Variants in RBFOX3 observed in about 807,000 individuals in gnomAD.
RBFOX3 encodes RNA binding fox-1 homolog 3, also known as RNA binding protein fox-1 homolog 3.
A neutral mutation model predicts 48.7 loss-of-function variants in RBFOX3; 17 were observed. The observed-to-expected ratio is 0.35, with a 90% CI of 0.24 to 0.52. The LOEUF is 0.52. Ranked by LOEUF, RBFOX3 falls within the 20% of genes least tolerant of loss-of-function variation. RBFOX3 has a pLI of 0.94. For missense variants in RBFOX3, 382 were observed against 497.5 expected, an observed-to-expected ratio of 0.77 and a Z score of 2.21; for synonymous variants, 212 against 209.5, an observed-to-expected ratio of 1.01 and a Z score of -0.10.
intron 2 of RBFOX3, among the ~76,000 whole-genome samples, chr17:79,414,097 G>A (rs2064922959): frequency 6.6e-6 from 1 of 152,114 alleles, no homozygotes; most frequent in Admixed American, 6.5e-5. Context: ...ATTCTACCCA[G>A]GATCCACAAA....
At chr17:79,117,357 C>T (rs964669450) in intron 4 of RBFOX3, among the ~76,000 whole-genome samples, 1 of 152,198 alleles carries the variant, frequency 6.6e-6, no homozygotes, top group African/African-American at 2.4e-5. Context: ...GGAGGAGGAG[C>T]GCCCAGCAGG....
intron 1 of RBFOX3, among the ~76,000 whole-genome samples, chr17:79,593,835 G>A (rs1713642956): frequency 6.6e-6 from 1 of 152,186 alleles, no homozygotes; most frequent in African/African-American, 2.4e-5. Context: ...CTGCTCCCAA[G>A]GGCCAGGAGA....
At chr17:79,134,804 G>A (rs62062262) in intron 4 of RBFOX3, among the ~76,000 whole-genome samples, 4,493 of 152,310 alleles carry the variant, frequency 0.029, 105 homozygotes, top group African/African-American at 0.055. Context: ...AGCAGCCACC[G>A]GTGGACACTG....
chr17:79,304,781 G>C (rs1252655278), intron 3 of RBFOX3, among the ~76,000 whole-genome samples: 1 of 152,216 alleles, frequency 6.6e-6, no homozygotes, highest in Non-Finnish European at 1.5e-5. Flanking sequence ...CGGGGCCTCT[G>C]TTCTTGGTTC....
intron 1 of RBFOX3, among the ~76,000 whole-genome samples, chr17:79,502,548 GT>G (rs1299949446): frequency 6.6e-6 from 1 of 152,234 alleles, no homozygotes; most frequent in Non-Finnish European, 1.5e-5. Context: ...AAAATGTAAT[GT>G]TTCACCATGA....
the RBFOX3 span, among the ~76,000 whole-genome samples, chr17:79,619,960 G>A: frequency 1.3e-5 from 2 of 152,206 alleles, no homozygotes; most frequent in African/African-American, 4.8e-5. Flanking sequence ...CCGCACCCTG[G>A]AGCCCAAGCC....
At chr17:79,496,293 G>T (rs2081529539) in intron 1 of RBFOX3, among the ~76,000 whole-genome samples, 1 of 151,920 alleles carries the variant, frequency 6.6e-6, no homozygotes, top group African/African-American at 2.4e-5. Flanking sequence ...GCTCCTAAAG[G>T]CCCCCCACCT....
At chr17:79,106,330 C>T (rs2077357818) in intron 6 of RBFOX3, among the ~76,000 whole-genome samples, 1 of 152,168 alleles carries the variant, frequency 6.6e-6, no homozygotes, top group African/African-American at 2.4e-5. Context: ...TCTAGGAAAC[C>T]CCTGAGCTCA....
intron 9 of RBFOX3, 101 bp downstream of exon 9, chr17:79,101,483 C>T (rs999979014): frequency 1.8e-6 from 2 of 1,085,474 alleles, no homozygotes; most frequent in African/African-American, 3.1e-5. Context: ...CGGAGGCTGC[C>T]TAGGATCCAG....
At chr17:79,494,055 G>A (rs1295164615) in intron 1 of RBFOX3, among the ~76,000 whole-genome samples, 5 of 152,172 alleles carry the variant, frequency 3.3e-5, no homozygotes, top group Non-Finnish European at 5.9e-5. Flanking sequence ...AGGATCACTT[G>A]AGCTGAGGAG....
intron 4 of RBFOX3, among the ~76,000 whole-genome samples, chr17:79,184,087 C>T (rs2052869384): frequency 1.3e-5 from 2 of 148,756 alleles, no homozygotes; most frequent in Non-Finnish European, 3.0e-5. Flanking sequence ...TAAGGGAGGC[C>T]GGCTCAGTGG....
At chr17:79,517,431 TGA>T (rs1157888740) in intron 1 of RBFOX3, among the ~76,000 whole-genome samples, 2 of 122,454 alleles carry the variant, frequency 1.6e-5, no homozygotes, top group Non-Finnish European at 3.2e-5. Context: ...GACTATACAG[TGA>T]GAGTCTGTCT....
intron 2 of RBFOX3, among the ~76,000 whole-genome samples, chr17:79,339,200 ATGCACCACCACACTCGGAT>A: frequency 6.6e-6 from 1 of 152,192 alleles, no homozygotes; most frequent in Admixed American, 6.5e-5. Context: ...GACTACAGGC[ATGCACCACCACACTCGGAT>A]AATTTTTAAA....
At chr17:79,516,685 GC>G (rs1405799719) in intron 1 of RBFOX3, among the ~76,000 whole-genome samples, 3 of 152,218 alleles carry the variant, frequency 2.0e-5, no homozygotes, top group Admixed American at 6.5e-5. Flanking sequence ...GCGAGATGGA[GC>G]CACAGACTTG....
At chr17:79,280,879 G>A (rs1017302721) in intron 3 of RBFOX3, among the ~76,000 whole-genome samples, 1 of 152,016 alleles carries the variant, frequency 6.6e-6, no homozygotes, top group Non-Finnish European at 1.5e-5. Flanking sequence ...AGGCATGTGG[G>A]GCACAGCTCT....
chr17:79,514,249 C>T lies in RBFOX3; in HGVS notation c.-319-31651G>A, dbSNP rs957460248. 5.3e-5 allele frequency among the ~76,000 whole-genome samples: 8 copies of T among 152,328 alleles called. No individual in the cohort carries two copies. The South Asian group carries it at 1.7e-3, about 32-fold the overall frequency. Reference sequence around the variant, plus strand: ...TCCACACAGCCAGGCACCCCCTCACCCCACCCTTCCCAACAGCATGCACCT... The same window carrying T: ...TCCACACAGCCAGGCACCCCCTCACTCCACCCTTCCCAACAGCATGCACCT... On this transcript the variant is annotated intron_variant, in intron 1 of 14. Transcript: ENST00000693108.
At chr17:79,467,570 T>TGACA (rs1171104934) in intron 2 of RBFOX3, among the ~76,000 whole-genome samples, 1 of 152,176 alleles carries the variant, frequency 6.6e-6, no homozygotes. Context: ...TCTGCCTGCC[T>TGACA]GACAGAGAGG....
At chr17:79,093,499 C>T (rs1031133682) in intron 14 of RBFOX3, among the ~76,000 whole-genome samples, 3 of 151,188 alleles carry the variant, frequency 2.0e-5, no homozygotes, top group East Asian at 2.0e-4. Context: ...CCTGTGGCTG[C>T]CCACAGCCAC....
At chr17:79,094,676 G>A in intron 13 of RBFOX3, 147 bp from the exon 14 acceptor site, 1 of 503,272 alleles carries the variant, frequency 2.0e-6, no homozygotes. Context: ...CCTCCTGCAA[G>A]GCCTGCAAGG....
Sources: gnomAD v4.1 joint callset for allele counts (sites outside exome capture counted in the v4.1 genomes callset) on GRCh38, gnomAD v4.1.1 for gene constraint, MANE v1.5 for transcripts, NCBI Gene and HGNC (gene_info 2026-07-23, HGNC 2026-07-21) for gene names.